Variants in RAPGEF1 observed in about 807,000 individuals in gnomAD.
The protein encoded by RAPGEF1 is CRK SH3-binding GNRP.
In RAPGEF1, 33 loss-of-function variants were observed where a neutral mutation model predicts 143.3. The observed-to-expected ratio is 0.23, with a 90% CI of 0.17 to 0.31. The LOEUF (loss-of-function observed/expected upper bound fraction) is 0.31. Among genes scored for constraint, RAPGEF1 ranks in the 10% least tolerant of loss-of-function variants. RAPGEF1 has a pLI of 1.00. For synonymous variants in RAPGEF1, 629 were observed against 676.5 expected, an observed-to-expected ratio of 0.93 and a Z score of 1.09; for missense variants, 1,199 against 1,645.4, an observed-to-expected ratio of 0.73 and a Z score of 4.69.
chr9:131,596,790 G>A (rs1412034741), intron 16 of RAPGEF1, among the ~76,000 whole-genome samples: 1 of 152,158 alleles, frequency 6.6e-6, no homozygotes, highest in African/African-American at 2.4e-5. Context: ...TGTGGAGGCA[G>A]CAGGACTATT....
intron 1 of RAPGEF1, among the ~76,000 whole-genome samples, chr9:131,711,081 T>C (rs1285966768): frequency 6.6e-6 from 1 of 151,692 alleles, no homozygotes; most frequent in Non-Finnish European, 1.5e-5. Context: ...GTCAGGGTCT[T>C]GCTGTGTCAC....
intron 1 of RAPGEF1, among the ~76,000 whole-genome samples, chr9:131,721,756 TTTC>T (rs1206815201): frequency 9.2e-5 from 14 of 152,240 alleles, no homozygotes; most frequent in Admixed American, 4.6e-4. Context: ...CGTAGACTTT[TTTC>T]TTGTCAATAT....
Position 131,619,103 on chromosome 9 carries a change from A to G in RAPGEF1, c.2009T>C (p.Val670Ala). The G allele has an allele frequency of 4.4e-6, 6 of 1,353,638 alleles. No homozygotes were observed. The highest frequency in any genetic ancestry group is 4.9e-6 in the Non-Finnish European group (5 of 1,016,258). The allele number at this position is 1,353,638 out of a possible 1,614,324, so 83.9% of individuals were successfully genotyped here. Reference protein sequence around the residue: ...EDGSAAQGLSVSVSNSFLSRH... With the variant: ...EDGSAAQGLSASVSNSFLSRH... ...GCTGAGAAAGGAGTTAGAGACGGACACACTGAGGCCCTGAGCGGCACTGCC... is the reference window on the plus strand; with the variant it reads ...GCTGAGAAAGGAGTTAGAGACGGACGCACTGAGGCCCTGAGCGGCACTGCC... Residue 670 changes from valine (V) to alanine (A), a missense_variant, in exon 12 of 27, where the codon GTG (valine) becomes GCG (alanine). Val to Ala is a moderately conservative substitution (Grantham distance 64). Transcript: ENST00000683357.
rs561524875 is a variant in RAPGEF1, at chr9:131,583,453, G to A, written c.3415-751C>T. 4.0e-5 allele frequency among the ~76,000 whole-genome samples: 6 copies of A among 148,398 alleles called. No homozygotes were observed. The highest frequency in any genetic ancestry group is 2.2e-4 in the South Asian group (1 of 4,590). Reference sequence around the variant, plus strand: ...CCCCTGGGTGGCCTGGGTCACACTCGGGTTCCTGACACGACCCCCAGGTGG... The same window carrying A: ...CCCCTGGGTGGCCTGGGTCACACTCAGGTTCCTGACACGACCCCCAGGTGG... On this transcript the variant is annotated intron_variant, in intron 24 of 26. Coordinates refer to ENST00000683357, the MANE Select transcript of RAPGEF1 (RefSeq NM_001377935.1). This position sits in a 1 kb window ranked among gnomAD's most constrained non-coding sequence, Gnocchi z 4.7.
chr9:131,675,176 C>T lies in RAPGEF1; in HGVS notation c.62-24227G>A, dbSNP rs1832109229. Among the ~76,000 whole-genome samples, 2 of 152,194 alleles carry T rather than the reference C, an allele frequency of 1.3e-5. No individual in the cohort carries two copies. Among genetic ancestry groups the T allele is most frequent in the East Asian group, 3.9e-4 (2 of 5,182 alleles). On this transcript the variant is annotated intron_variant, in intron 1 of 26. Coordinates refer to ENST00000683357, the MANE Select transcript of RAPGEF1 (RefSeq NM_001377935.1). This position sits in a 1 kb window ranked among gnomAD's most constrained non-coding sequence, Gnocchi z 4.6. ...TTGCTGCACTTGGCTAGATTTGCTG[C>T]ACTTGGCTGGATTTGCGCTGTATTT...
intron 1 of RAPGEF1, among the ~76,000 whole-genome samples, chr9:131,739,059 A>G (rs897175924): frequency 8.5e-5 from 13 of 152,182 alleles, no homozygotes; most frequent in Non-Finnish European, 1.2e-4. Context: ...GGGGCCCCAC[A>G]GGCTCGACAG....
rs1184056906 is a variant in RAPGEF1 at position 131,596,367 on chromosome 9, C to T, written c.2620G>A (p.Asp874Asn). The T allele has an allele frequency of 6.2e-7, 1 of 1,614,010 alleles. No homozygotes were observed. The highest frequency in any genetic ancestry group is 1.1e-5 in the South Asian group (1 of 91,072). ...SRLTLKQEGDDGPDVRGGSGD... is the reference protein window; with the variant it reads ...SRLTLKQEGDNGPDVRGGSGD... The stretch of plus-strand genomic sequence containing the variant: ...GATCCTCCGCGGACGTCCGGCCCGT[C>T]ATCACCCTGTAATGAACACAGCCAA... The change falls in exon 17 of 27, where the codon GAC (aspartate) becomes AAC (asparagine). Residue 874 changes from aspartate (D) to asparagine (N), a missense_variant. This residue lies in a region of RAPGEF1 where 209 missense variants were observed against 403.0 expected (regional missense o/e 0.52). Transcript: ENST00000683357.
At chr9:131,598,723 C>T (rs1204298029) in intron 15 of RAPGEF1, among the ~76,000 whole-genome samples, 1 of 152,186 alleles carries the variant, frequency 6.6e-6, no homozygotes, top group Non-Finnish European at 1.5e-5. Flanking sequence ...ACCGACTTGC[C>T]ACGGGACCCT....
chr9:131,658,493 G>A (rs7035496), intron 1 of RAPGEF1, among the ~76,000 whole-genome samples: 132,543 of 152,256 alleles, frequency 0.87, 57,964 homozygotes, highest in African/African-American at 0.95. Flanking sequence ...GAGACTCCCA[G>A]TGACTAATCT....
chr9:131,677,284 T>C (rs887010389), intron 1 of RAPGEF1, among the ~76,000 whole-genome samples: 29 of 152,224 alleles, frequency 1.9e-4, no homozygotes, highest in African/African-American at 6.5e-4. Context: ...TTCCAAAACT[T>C]ACTGTACTTT....
At chr9:131,647,885 G>C (rs1450906644) in intron 3 of RAPGEF1, among the ~76,000 whole-genome samples, 1 of 152,130 alleles carries the variant, frequency 6.6e-6, no homozygotes, top group African/African-American at 2.4e-5. Flanking sequence ...TGTTGTGTGG[G>C]GGGCTGTCCT....
At chr9:131,730,697 C>CAA (rs56044744) in intron 1 of RAPGEF1, among the ~76,000 whole-genome samples, 14 of 80,368 alleles carry the variant, frequency 1.7e-4, no homozygotes, top group East Asian at 9.5e-4. Context: ...GACTCCATCT[C>CAA]AAAAAAAAAA....
In RAPGEF1 at chr9:131,626,139, G is replaced by A. The variant is rs368148839; in HGVS notation, c.1485C>T (p.Tyr495=). ...TADGSGCRVS[Y]ERHPSQYDNI... is the part of the protein sequence containing the mutation. ...TGTCATACTGCGAGGGATGCCGCTCGTAGGACACCCTGCAGCCAGAGCCGT... is the reference window on the plus strand; with the variant it reads ...TGTCATACTGCGAGGGATGCCGCTCATAGGACACCCTGCAGCCAGAGCCGT... Residue 495 remains tyrosine (Y), a synonymous_variant, in exon 10 of 27, where the codon TAC becomes TAT. Coordinates refer to ENST00000683357, the MANE Select transcript of RAPGEF1 (RefSeq NM_001377935.1). 29 of 1,613,930 alleles carry A rather than the reference G, an allele frequency of 1.8e-5. No homozygotes were observed. The highest frequency in any genetic ancestry group is 1.6e-4 in the East Asian group (7 of 44,872).
chr9:131,737,318 A>T (rs1837482931), intron 1 of RAPGEF1: 1 of 1,601,092 alleles, frequency 6.2e-7, no homozygotes. Flanking sequence ...CCAGGTATAT[A>T]TCTCAGCCCT....
intron 26 of RAPGEF1, 89 bp downstream of exon 26, chr9:131,580,174 C>T: frequency 1.3e-6 from 2 of 1,526,934 alleles, no homozygotes; most frequent in Admixed American, 1.8e-5. Flanking sequence ...CTCTGTGGCT[C>T]CCCCTCCCCT....
chr9:131,655,815 C>A lies in RAPGEF1; in HGVS notation c.62-4866G>T, dbSNP rs1216643504. 1.3e-5 allele frequency among the ~76,000 whole-genome samples: 2 copies of A among 152,156 alleles called. No homozygotes were observed. The highest frequency in any genetic ancestry group is 4.8e-5 in the African/African-American group (2 of 41,434). On this transcript the variant is annotated intron_variant, in intron 1 of 26. Transcript: ENST00000683357. The surrounding 1 kb of genome is among the most constrained non-coding windows in gnomAD (Gnocchi z 4.1). ...TGTTAGCCAGGATGGTCTCGATCTC[C>A]TGACCTCGTGATCCACCTGCCTTGG...
At chr9:131,582,745 G>A (rs753672329) in intron 24 of RAPGEF1, 43 bp from the exon 25 acceptor site, 1 of 1,503,270 alleles carries the variant, frequency 6.7e-7, no homozygotes, top group Non-Finnish European at 8.9e-7. Context: ...GGGTGAGCGA[G>A]TGCTGGGGCA....
chr9:131,606,291 G>A (rs1018925501), intron 12 of RAPGEF1, among the ~76,000 whole-genome samples: 2 of 152,180 alleles, frequency 1.3e-5, no homozygotes, highest in Non-Finnish European at 2.9e-5. Context: ...ACCACGTGGA[G>A]AGAATCTAAT....
chr9:131,620,663 C>T (rs1388331205), intron 11 of RAPGEF1, among the ~76,000 whole-genome samples: 3 of 152,174 alleles, frequency 2.0e-5, no homozygotes, highest in Non-Finnish European at 4.4e-5. Flanking sequence ...ACATGGCCAC[C>T]TCTGAAGTGG....
Sources: allele counts gnomAD v4.1 joint callset (sites outside exome capture counted in the v4.1 genomes callset), GRCh38; gene constraint gnomAD v4.1.1; regional missense constraint gnomAD v4.1.1; non-coding constraint Gnocchi (gnomAD v3.1); transcripts MANE v1.5; gene names NCBI Gene and HGNC (gene_info 2026-07-23, HGNC 2026-07-21).